The following STX16 variants were observed in gnomAD, a reference collection of about 807,000 sequenced individuals.
STX16 encodes the protein syntaxin 16.
Under a neutral mutation model 42.7 loss-of-function variants are expected in STX16, and 28 were observed. The observed-to-expected ratio is 0.66, with a 90% CI of 0.49 to 0.90. The LOEUF is 0.90. Among genes scored for constraint, STX16 ranks in the 40% least tolerant of loss-of-function variants. The probability of loss-of-function intolerance (pLI) is 0.00; values close to 1 mark genes in which losing one functional copy is unlikely to be tolerated. For synonymous variants in STX16, 156 were observed against 155.2 expected, an observed-to-expected ratio of 1.00 and a Z score of -0.04; for missense variants, 361 against 420.9, an observed-to-expected ratio of 0.86 and a Z score of 1.24.
In STX16 at chr20:58,671,228, C is replaced by A. The variant is rs142393313; in HGVS notation, c.723C>A (p.Arg241=). The A allele has an allele frequency of 6.2e-7, 1 of 1,613,780 alleles. No individual in the cohort carries two copies. Among genetic ancestry groups the A allele is most frequent in the African/African-American group, 1.3e-5 (1 of 74,808 alleles). The part of the protein sequence containing the change: ...LMVEEREREI[R]QIVQSISDLN... The stretch of plus-strand genomic sequence containing the variant: ...TGGAAGAGCGGGAACGAGAGATTCG[C>A]CAGATTGTACAGTCCATTTCTGACC... Residue 241 remains arginine (R), a synonymous_variant, in exon 7 of 9, where the codon CGC becomes CGA. Transcript: ENST00000371141.
At position 58,674,248 on chromosome 20, in the gene STX16, T is replaced by C. The variant is rs116954460; in HGVS notation, c.873+537T>C. Among the ~76,000 whole-genome samples the C allele has an allele frequency of 1.9e-3, 287 of 152,336 alleles. 2 individuals carry two copies. The highest frequency in any genetic ancestry group is 3.4e-3 in the Admixed American group (52 of 15,308). ...TGTTGAAGTGAGAGTAGTAATTCTT[T>C]TATTCTGTGCTAATAAGGTAGCTGT... On this transcript the variant is annotated intron_variant, in intron 8 of 8. Coordinates refer to ENST00000371141, the MANE Select transcript of STX16 (RefSeq NM_001001433.3).
chr20:58,663,386 C>A (rs2083746229), intron 2 of STX16, among the ~76,000 whole-genome samples: 2 of 152,178 alleles, frequency 1.3e-5, no homozygotes, highest in Admixed American at 6.5e-5. Flanking sequence ...TCCATACTGG[C>A]TGGTACTCTT....
At chr20:58,655,907 A>T (rs1013364102) in intron 1 of STX16, among the ~76,000 whole-genome samples, 1 of 152,206 alleles carries the variant, frequency 6.6e-6, no homozygotes, top group Non-Finnish European at 1.5e-5. Context: ...AACTAATTGT[A>T]AAAAAACAGA....
chr20:58,654,319 C>T (rs930681467), intron 1 of STX16, among the ~76,000 whole-genome samples: 4 of 151,998 alleles, frequency 2.6e-5, no homozygotes, highest in African/African-American at 4.8e-5. Flanking sequence ...TGCCTGAATT[C>T]AAATTTAAAA....
At chr20:58,674,825 G>A (rs1309128127) in intron 8 of STX16, among the ~76,000 whole-genome samples, 1 of 152,190 alleles carries the variant, frequency 6.6e-6, no homozygotes, top group Non-Finnish European at 1.5e-5. Flanking sequence ...TTGATGTGCT[G>A]CTGAATTATG....
At chr20:58,659,882 T>C (rs2083660603) in intron 2 of STX16, among the ~76,000 whole-genome samples, 1 of 152,226 alleles carries the variant, frequency 6.6e-6, no homozygotes, top group African/African-American at 2.4e-5. Flanking sequence ...TGTCTTAACT[T>C]TGGAAGCAGT....
At chr20:58,671,318 C>A in intron 7 of STX16, 21 bp downstream of exon 7, 2 of 1,587,676 alleles carry the variant, frequency 1.3e-6, no homozygotes, top group African/African-American at 1.3e-5. Flanking sequence ...TGGCCTTCCT[C>A]GTGAATAGGT....
At chr20:58,669,190 G>C in intron 4 of STX16, 101 bp from the exon 5 acceptor site, 1 of 1,283,648 alleles carries the variant, frequency 7.8e-7, no homozygotes. Flanking sequence ...CAGACTGAGT[G>C]AACAGAGCCT....
chr20:58,675,361 C>G (rs1200476018), intron 8 of STX16, among the ~76,000 whole-genome samples: 1 of 152,260 alleles, frequency 6.6e-6, no homozygotes, highest in Non-Finnish European at 1.5e-5. Flanking sequence ...AGCGCATGCT[C>G]TCCCTGGACG....
At chr20:58,662,715 A>G (rs1411847929) in intron 2 of STX16, among the ~76,000 whole-genome samples, 1 of 151,942 alleles carries the variant, frequency 6.6e-6, no homozygotes, top group Non-Finnish European at 1.5e-5. Flanking sequence ...TTTAGTAGAG[A>G]CGGAGTTTTG....
At chr20:58,676,016 C>G (rs1241044988) in intron 8 of STX16, among the ~76,000 whole-genome samples, 171 bp from the exon 9 acceptor site, 1 of 152,174 alleles carries the variant, frequency 6.6e-6, no homozygotes, top group Non-Finnish European at 1.5e-5. Context: ...CTCTTCCACT[C>G]CTGGTGATTG....
At chr20:58,672,406 CAT>C (rs1396956142) in intron 7 of STX16, among the ~76,000 whole-genome samples, 1 of 150,308 alleles carries the variant, frequency 6.7e-6, no homozygotes, top group Non-Finnish European at 1.5e-5. Context: ...GTATATGAAA[CAT>C]AAAGGTATAA....
At chr20:58,653,750 A>G (rs2083525108) in intron 1 of STX16, among the ~76,000 whole-genome samples, 1 of 152,194 alleles carries the variant, frequency 6.6e-6, no homozygotes, top group Non-Finnish European at 1.5e-5. Context: ...TGAAACTCAT[A>G]TTAAGATTTC....
At chr20:58,669,490 T>C (rs1337939644) in intron 5 of STX16, 37 bp downstream of exon 5, 1 of 1,573,706 alleles carries the variant, frequency 6.4e-7, no homozygotes, top group East Asian at 2.2e-5. Flanking sequence ...GGATTTTGAG[T>C]AAGAAAAGCA....
rs759024848 is a variant in STX16, at chr20:58,651,990, G to T, written c.-17G>T. 2.5e-6 allele frequency: 4 copies of T among 1,613,292 alleles called. No individual in the cohort carries two copies. Among genetic ancestry groups the T allele is most frequent in the South Asian group, 1.1e-5 (1 of 91,062 alleles). ...TGGGCGGGGGGCCCCTGAGAGGGGGGTCGCAAAGGGTGAGACATGGCCACC... is the reference window on the plus strand; with the variant it reads ...TGGGCGGGGGGCCCCTGAGAGGGGGTTCGCAAAGGGTGAGACATGGCCACC... On this transcript the variant is annotated 5_prime_UTR_variant, in exon 1 of 9. Coordinates refer to ENST00000371141, the MANE Select transcript of STX16 (RefSeq NM_001001433.3).
intron 2 of STX16, among the ~76,000 whole-genome samples, chr20:58,662,538 T>C (rs1224265392): frequency 6.6e-6 from 1 of 152,142 alleles, no homozygotes; most frequent in African/African-American, 2.4e-5. Context: ...TGAGACAGAG[T>C]CTCACTCTGT....
At chr20:58,673,949 ACTC>A (rs2084042693) in intron 8 of STX16, among the ~76,000 whole-genome samples, 1 of 152,074 alleles carries the variant, frequency 6.6e-6, no homozygotes, top group Admixed American at 6.5e-5. Context: ...ATTGCTAAGA[ACTC>A]CTTTTTGTGA....
chr20:58,668,173 T>G, intron 4 of STX16, 46 bp downstream of exon 4: 2 of 1,608,064 alleles, frequency 1.2e-6, no homozygotes, highest in Non-Finnish European at 1.7e-6. Context: ...AGCCTTCTCA[T>G]GGCAATCTCA....
chr20:58,667,017 G>A (rs1161008203), intron 2 of STX16, among the ~76,000 whole-genome samples: 1 of 151,796 alleles, frequency 6.6e-6, no homozygotes, highest in Admixed American at 6.6e-5. Context: ...TAAGCTAAGT[G>A]TATTTAAGTA....
Sources: allele counts gnomAD v4.1 joint callset (sites outside exome capture counted in the v4.1 genomes callset), GRCh38; gene constraint gnomAD v4.1.1; transcripts MANE v1.5; gene names NCBI Gene and HGNC (gene_info 2026-07-23, HGNC 2026-07-21).